The following TSHZ2 variants were observed in gnomAD, a reference collection of about 807,000 sequenced individuals.
TSHZ2 encodes the protein teashirt zinc finger homeobox 2.
Under a neutral mutation model 74.4 loss-of-function variants are expected in TSHZ2, and 21 were observed. The ratio of observed to expected loss-of-function variants is 0.28; its 90% CI spans 0.20 to 0.41. TSHZ2 has a LOEUF of 0.41. Ranked by LOEUF, TSHZ2 falls within the 10% of genes least tolerant of loss-of-function variation. The pLI is 1.00. For missense variants in TSHZ2, 1,244 were observed against 1,293.5 expected, an observed-to-expected ratio of 0.96 and a Z score of 0.59; for synonymous variants, 540 against 515.3, an observed-to-expected ratio of 1.05 and a Z score of -0.65.
chr20:53,325,321 T>C (rs1568868789), intron 2 of TSHZ2, among the ~76,000 whole-genome samples: 1 of 152,202 alleles, frequency 6.6e-6, no homozygotes, highest in Non-Finnish European at 1.5e-5. Flanking sequence ...AACAGGGACT[T>C]TCCCTGAAAA....
intron 1 of TSHZ2, among the ~76,000 whole-genome samples, chr20:52,984,052 A>C (rs986276284): frequency 1.3e-5 from 2 of 152,238 alleles, no homozygotes; most frequent in African/African-American, 2.4e-5. Context: ...GCCTGAGAGC[A>C]GGAAGAAGGG....
intron 2 of TSHZ2, among the ~76,000 whole-genome samples, chr20:53,312,622 G>A (rs750166346): frequency 6.6e-6 from 1 of 152,188 alleles, no homozygotes; most frequent in Non-Finnish European, 1.5e-5. Flanking sequence ...CAAGCACCGC[G>A]TGGGTGAGAC....
intron 1 of TSHZ2, among the ~76,000 whole-genome samples, chr20:53,163,075 G>A (rs1027217054): frequency 3.3e-5 from 5 of 151,950 alleles, no homozygotes; most frequent in African/African-American, 1.2e-4. Context: ...CCTGTCTATC[G>A]GCCTCTCTGC....
chr20:53,097,614 T>C (rs1986091693), intron 1 of TSHZ2: 5 of 152,274 alleles, frequency 3.3e-5, no homozygotes, highest in Admixed American at 3.3e-4. Context: ...TTGGCCTGCA[T>C]GTTCTAATGA....
At chr20:53,216,410 C>T (rs765567513) in intron 1 of TSHZ2, among the ~76,000 whole-genome samples, 2 of 152,124 alleles carry the variant, frequency 1.3e-5, no homozygotes, top group Non-Finnish European at 2.9e-5. Flanking sequence ...AAGTCAAGGA[C>T]GTGAACATAC....
chr20:53,217,474 G>T (rs529420809), intron 1 of TSHZ2, among the ~76,000 whole-genome samples: 1 of 152,090 alleles, frequency 6.6e-6, no homozygotes, highest in African/African-American at 2.4e-5. Context: ...GAACAGCAAC[G>T]CCAGTGAACC....
At position 53,256,571 on chromosome 20, in the gene TSHZ2, G is replaced by T; in HGVS notation, c.*8G>T. ...GACGTGGATGAAGAATAGCTCTGCA[G>T]GTATGGGTTTGCTCTGAGGCATTGC... On this transcript the variant is annotated splice_region_variant and 3_prime_UTR_variant, in exon 2 of 3. Transcript: ENST00000371497. This position sits in a 1 kb window ranked among gnomAD's most constrained non-coding sequence, Gnocchi z 4.3. 2 of 1,569,168 alleles carry T rather than the reference G, an allele frequency of 1.3e-6. No individual in the cohort carries two copies. Among genetic ancestry groups the T allele is most frequent in the South Asian group, 2.4e-5 (2 of 83,142 alleles).
intron 2 of TSHZ2, among the ~76,000 whole-genome samples, chr20:53,404,550 G>T (rs901869373): frequency 1.3e-5 from 2 of 152,102 alleles, no homozygotes; most frequent in Non-Finnish European, 2.9e-5. Flanking sequence ...CCTACTCTCT[G>T]GTTTCTTTTT....
chr20:53,228,294 A>G (rs2123662363), intron 1 of TSHZ2, among the ~76,000 whole-genome samples: 1 of 152,310 alleles, frequency 6.6e-6, no homozygotes, highest in South Asian at 2.1e-4. Flanking sequence ...ACTCATCTCC[A>G]ACTGACTTTT....
chr20:53,230,112 C>T (rs1004674059), intron 1 of TSHZ2, among the ~76,000 whole-genome samples: 1 of 152,046 alleles, frequency 6.6e-6, no homozygotes, highest in African/African-American at 2.4e-5. Context: ...TGTCCTCCCA[C>T]CTGTTCTAGT....
At chr20:53,068,223 G>T (rs763731573) in intron 1 of TSHZ2, among the ~76,000 whole-genome samples, 1 of 152,080 alleles carries the variant, frequency 6.6e-6, no homozygotes, top group Non-Finnish European at 1.5e-5. Context: ...TTTCTTTTCA[G>T]GGGACACAGT....
intron 2 of TSHZ2, among the ~76,000 whole-genome samples, chr20:53,484,661 C>G (rs1388720351): frequency 1.3e-5 from 2 of 152,266 alleles, no homozygotes; most frequent in Non-Finnish European, 2.9e-5. Flanking sequence ...GCTGGGATTA[C>G]AGGCGTGCAC....
chr20:53,436,545 A>ATTTTTTTTTTT (rs1430483512), intron 2 of TSHZ2, among the ~76,000 whole-genome samples: 4 of 101,984 alleles, frequency 3.9e-5, no homozygotes, highest in East Asian at 3.2e-4. Flanking sequence ...TATTATTATT[A>ATTTTTTTTTTT]TTATTTTTTT....
chr20:53,399,100 A>G (rs1412898230), intron 2 of TSHZ2: 3 of 152,238 alleles, frequency 2.0e-5, no homozygotes, highest in African/African-American at 7.2e-5. Flanking sequence ...ACCACTCCCA[A>G]AGTTTAGCAT....
At chr20:53,303,975 C>G (rs762810515) in intron 2 of TSHZ2, among the ~76,000 whole-genome samples, 1 of 152,036 alleles carries the variant, frequency 6.6e-6, no homozygotes, top group Non-Finnish European at 1.5e-5. Context: ...TGGACCCAGC[C>G]CTTTCACCTT....
chr20:53,192,571 A>G (rs1013884329), intron 1 of TSHZ2, among the ~76,000 whole-genome samples: 2 of 151,048 alleles, frequency 1.3e-5, no homozygotes, highest in African/African-American at 4.8e-5. Flanking sequence ...GGAAAAAAAA[A>G]AAAAAAACCC....
chr20:53,281,896 G>A (rs1027463476), intron 2 of TSHZ2, among the ~76,000 whole-genome samples: 3 of 152,146 alleles, frequency 2.0e-5, no homozygotes, highest in Non-Finnish European at 4.4e-5. Flanking sequence ...GATAGCCAGG[G>A]GTACACACTT....
At chr20:53,137,155 C>T (rs1156650666) in intron 1 of TSHZ2, among the ~76,000 whole-genome samples, 1 of 152,116 alleles carries the variant, frequency 6.6e-6, no homozygotes, top group Non-Finnish European at 1.5e-5. Context: ...TTGCCTTTAT[C>T]ATTGATAGTA....
chr20:53,364,751 G>A lies in TSHZ2; in HGVS notation c.*8+108180G>A, dbSNP rs544002107. ...GGCTTGGCATGGGGGCACTGCCTTG[G>A]CAGAGCTGTCTTGATGTTTCTGGAA... On this transcript the variant is annotated intron_variant, in intron 2 of 2. Transcript: ENST00000371497. Among the ~76,000 whole-genome samples the A allele has an allele frequency of 4.8e-4, 73 of 152,360 alleles. 1 individual carries two copies. Among genetic ancestry groups the A allele is most frequent in the Non-Finnish European group, 8.4e-4 (57 of 68,034 alleles).
Sources: allele counts gnomAD v4.1 joint callset (sites outside exome capture counted in the v4.1 genomes callset), GRCh38; gene constraint gnomAD v4.1.1; non-coding constraint Gnocchi (gnomAD v3.1); transcripts MANE v1.5; gene names NCBI Gene and HGNC (gene_info 2026-07-23, HGNC 2026-07-21).